The following MTMR6 variants were observed in gnomAD, a reference collection of about 807,000 sequenced individuals.
MTMR6 encodes the protein myotubularin related protein 6.
Under a neutral mutation model 80.1 loss-of-function variants are expected in MTMR6, and 47 were observed. The ratio of observed to expected loss-of-function variants is 0.59; its 90% CI spans 0.46 to 0.75. The LOEUF (loss-of-function observed/expected upper bound fraction) is 0.75. Ranked by LOEUF, MTMR6 falls within the 30% of genes least tolerant of loss-of-function variation. The probability of loss-of-function intolerance (pLI) is 0.00; values close to 1 mark genes in which losing one functional copy is unlikely to be tolerated. For missense variants in MTMR6, 629 were observed against 730.9 expected (o/e 0.86, Z 1.61); for synonymous variants, 254 against 253.0 (o/e 1.00, Z -0.04).
chr13:25,249,278 G>A lies in MTMR6; in HGVS notation c.1820C>T (p.Pro607Leu), dbSNP rs1259869058. ...EYAEEFSKSE[P>L]AVVSLEYGVA... ...ACCATACTCTAAGCTGACCACAGCA[G>A]GTTCTGATTTAGAAAACTCTTCTGC... Residue 607 changes from proline (P) to leucine (L), a missense_variant, in exon 14 of 14, where the codon CCT (proline) becomes CTT (leucine). Physicochemically the swap from Pro to Leu is moderately conservative, Grantham distance 98. Transcript: ENST00000381801. 6.2e-7 allele frequency: 1 copy of A among 1,614,080 alleles called. No homozygotes were observed. The highest frequency in any genetic ancestry group is 1.7e-5 in the Admixed American group (1 of 60,026).
Position 25,251,980 on chromosome 13 carries a change from T to C in MTMR6, c.1351A>G (p.Lys451Glu), listed in dbSNP as rs774413920. Residue 451 changes from lysine (K) to glutamate (E), a missense_variant, in exon 12 of 14, where the codon AAG (lysine) becomes GAG (glutamate). Transcript: ENST00000381801. The surrounding 1 kb of genome is among the most constrained non-coding windows in gnomAD (Gnocchi z 4.1). ...CQKEREELKL[K>E]EKTYSLWPFL... Reference sequence around the variant, plus strand: ...GGCCACAGGGAATAAGTCTTCTCCTTCAACCTTAATATAATGAGAAAAACA... The same window carrying C: ...GGCCACAGGGAATAAGTCTTCTCCTCCAACCTTAATATAATGAGAAAAACA... 6 of 1,610,154 alleles carry C rather than the reference T, an allele frequency of 3.7e-6. No homozygotes were observed. In the Admixed American group the frequency reaches 1.0e-4, roughly 27 times the overall value.
intron 6 of MTMR6, among the ~76,000 whole-genome samples, chr13:25,260,908 C>A (rs1957320881): frequency 6.6e-6 from 1 of 152,026 alleles, no homozygotes; most frequent in Admixed American, 6.6e-5. Context: ...TTCAATGTTT[C>A]CTAAGTTAAC....
chr13:25,257,985 A>C, intron 7 of MTMR6, 140 bp from the exon 8 acceptor site: 1 of 519,236 alleles, frequency 1.9e-6, no homozygotes, highest in Non-Finnish European at 3.2e-6. Flanking sequence ...AGATGCTATT[A>C]AAAGCTCAAT....
In MTMR6 at chr13:25,261,257, G is replaced by A. The variant is rs577327419; in HGVS notation, c.726+411C>T. On this transcript the variant is annotated intron_variant, in intron 6 of 13. Transcript: ENST00000381801. ...TGGGAGGCAGAGGTTGCAGTGAGCC[G>A]AGATCACACCACTGCACTCCAGGGT... Among the ~76,000 whole-genome samples the A allele has an allele frequency of 9.4e-5, 11 of 116,742 alleles. No homozygotes were observed. In the South Asian group the frequency reaches 1.5e-3, roughly 16 times the overall value. The allele number at this position is 116,742 out of a possible 152,430, so 76.6% of individuals were successfully genotyped here.
In MTMR6 at chr13:25,249,269, A is replaced by G. The variant is rs1957036495; in HGVS notation, c.1829T>C (p.Val610Ala). 6.2e-7 allele frequency: 1 copy of G among 1,614,070 alleles called. No individual in the cohort carries two copies. The highest frequency in any genetic ancestry group is 2.2e-5 in the East Asian group (1 of 44,876). The change falls in exon 14 of 14, where the codon GTC becomes GCC. Residue 610 changes from valine to alanine, a missense_variant. Transcript: ENST00000381801. ...EEFSKSEPAV[V>A]SLEYGVARMT... ...TCTTGCCACACCATACTCTAAGCTG[A>G]CCACAGCAGGTTCTGATTTAGAAAA...
rs965420092 is a variant in MTMR6 at position 25,247,180 on chromosome 13, T to C, written c.*2052A>G. The C allele has an allele frequency of 1.3e-5, 2 of 152,362 alleles. No individual in the cohort carries two copies. The highest frequency in any genetic ancestry group is 2.4e-5 in the African/African-American group (1 of 41,408). The allele number at this position is 152,362 out of a possible 1,614,324, so 9.4% of individuals were successfully genotyped here. A position where few individuals can be genotyped will look rare whatever the true frequency, so the allele number is the denominator to read the frequency against. On this transcript the variant is annotated 3_prime_UTR_variant, in exon 14 of 14. Coordinates refer to ENST00000381801, the MANE Select transcript of MTMR6 (RefSeq NM_004685.5). ...CAAACCTTATGCTGTTATGTTAATG[T>C]AATGGGCAAGTCTACTTGCCTAGGT...
intron 9 of MTMR6, among the ~76,000 whole-genome samples, chr13:25,255,708 G>A (rs576720711): frequency 6.6e-6 from 1 of 152,216 alleles, no homozygotes; most frequent in South Asian, 2.1e-4. Context: ...ATTTTTAGCA[G>A]AGACAGGGTT....
At chr13:25,273,674 C>T (rs1400820583) in intron 2 of MTMR6, among the ~76,000 whole-genome samples, 5 of 151,904 alleles carry the variant, frequency 3.3e-5, no homozygotes, top group Non-Finnish European at 7.4e-5. Flanking sequence ...TACAGGCACC[C>T]ATCGCCATGC....
rs529399836 is a variant in MTMR6 at position 25,268,218 on chromosome 13, CTG to C, written c.142-279_142-278del. On this transcript the variant is annotated intron_variant, in intron 2 of 13. Coordinates refer to ENST00000381801, the MANE Select transcript of MTMR6 (RefSeq NM_004685.5). The stretch of plus-strand genomic sequence containing the variant: ...ACCCATCTACTTCTCTCTATCTCTA[CTG>C]TCACATCCCTAGTTGTAATGTCCCC... 1.3e-4 allele frequency among the ~76,000 whole-genome samples: 20 copies of C among 152,314 alleles called. No individual in the cohort carries two copies. The South Asian group carries it at 3.9e-3, about 30-fold the overall frequency.
rs763271611 is a variant in MTMR6, at chr13:25,258,555, T to C, written c.859+5A>G. The stretch of plus-strand genomic sequence containing the variant: ...GGGTGTCTAAAAAAGTAAGCAATAA[T>C]ATACCTTCCAATAATTTCTGAAGGC... On this transcript the variant is annotated splice_donor_5th_base_variant and intron_variant, in intron 7 of 13. Transcript: ENST00000381801. 13 of 1,588,312 alleles carry C rather than the reference T, an allele frequency of 8.2e-6. No homozygotes were observed. The highest frequency in any genetic ancestry group is 1.0e-5 in the Non-Finnish European group (12 of 1,172,864).
At chr13:25,254,801 T>C (rs1957161184) in intron 9 of MTMR6, among the ~76,000 whole-genome samples, 1 of 152,160 alleles carries the variant, frequency 6.6e-6, no homozygotes, top group Non-Finnish European at 1.5e-5. Flanking sequence ...TAACAAAGGA[T>C]AACTCTAGGT....
At chr13:25,268,989 T>C (rs1957512058) in intron 2 of MTMR6, among the ~76,000 whole-genome samples, 1 of 152,166 alleles carries the variant, frequency 6.6e-6, no homozygotes, top group African/African-American at 2.4e-5. Flanking sequence ...CATGTCCCAA[T>C]AGCCAAGCCC....
At chr13:25,261,330 AAAAG>A (rs1335683048) in intron 6 of MTMR6, among the ~76,000 whole-genome samples, 11 of 150,342 alleles carry the variant, frequency 7.3e-5, no homozygotes, top group African/African-American at 2.4e-4. Flanking sequence ...AAAAAAAAAA[AAAAG>A]AATAGTAACA....
intron 5 of MTMR6, among the ~76,000 whole-genome samples, chr13:25,263,928 G>A (rs1343847595): frequency 1.3e-5 from 2 of 151,956 alleles, no homozygotes; most frequent in Non-Finnish European, 1.5e-5. Context: ...AGAATCCCAA[G>A]ATACAAACCA....
intron 11 of MTMR6, 28 bp downstream of exon 11, chr13:25,253,735 AG>A: frequency 6.3e-7 from 1 of 1,590,250 alleles, no homozygotes; most frequent in South Asian, 1.1e-5. Flanking sequence ...TAGGGGGAAA[AG>A]GAGACTCTTT....
intron 5 of MTMR6, among the ~76,000 whole-genome samples, chr13:25,262,759 C>T (rs985490886): frequency 1.3e-5 from 2 of 152,356 alleles, no homozygotes; most frequent in East Asian, 3.9e-4. Context: ...CAAATTCACA[C>T]AATTGCATAT....
intron 1 of MTMR6, among the ~76,000 whole-genome samples, chr13:25,274,989 C>T (rs1357008094): frequency 2.0e-5 from 3 of 147,952 alleles, no homozygotes; most frequent in African/African-American, 7.8e-5. Context: ...CACACACACA[C>T]ACACACACAC....
At position 25,266,199 on chromosome 13, in the gene MTMR6, G is replaced by C; in HGVS notation, c.392C>G (p.Ala131Gly). ...CACTCCCATCCTCTTATATTCCTCA[G>C]CGAGATCAATGAGCTGCCAGCCTTG... ...RLQGWQLIDL[A>G]EEYKRMGVPN... is the part of the protein sequence containing the mutation. Residue 131 changes from alanine (A) to glycine (G), a missense_variant, in exon 4 of 14, where the codon GCT becomes GGT. Physicochemically the swap from Ala to Gly is moderately conservative, Grantham distance 60. Coordinates refer to ENST00000381801, the MANE Select transcript of MTMR6 (RefSeq NM_004685.5). The C allele has an allele frequency of 6.2e-7, 1 of 1,614,070 alleles. No individual in the cohort carries two copies. Among genetic ancestry groups the C allele is most frequent in the Non-Finnish European group, 8.5e-7 (1 of 1,179,992 alleles).
chr13:25,261,296 T>G (rs1380210242), intron 6 of MTMR6, among the ~76,000 whole-genome samples: 5 of 96,692 alleles, frequency 5.2e-5, no homozygotes, highest in Non-Finnish European at 7.5e-5. Context: ...AGAGTGCAAC[T>G]CTGTCTTAAA....
Sources: gnomAD v4.1 joint callset for allele counts (sites outside exome capture counted in the v4.1 genomes callset) on GRCh38, gnomAD v4.1.1 for gene constraint, Gnocchi (gnomAD v3.1) non-coding constraint, MANE v1.5 for transcripts, NCBI Gene and HGNC (gene_info 2026-07-23, HGNC 2026-07-21) for gene names.